OR2G2: variants seen among roughly 807,000 people sequenced by gnomAD.
OR2G2 encodes olfactory receptor family 2 subfamily G member 2.
For synonymous variants in OR2G2, 176 were observed against 152.4 expected (o/e 1.16, Z -1.14); for missense variants, 460 against 389.7 (o/e 1.18, Z -1.52).
chr1:247,588,626 G>T lies in OR2G2; in HGVS notation c.267G>T (p.Trp89Cys), dbSNP rs1279607861. The T allele has an allele frequency of 1.9e-6, 3 of 1,614,106 alleles. No homozygotes were observed. The highest frequency in any genetic ancestry group is 4.5e-5 in the East Asian group (2 of 44,868). The change falls in exon 1 of 1, where the codon TGG becomes TGT. Residue 89 changes from tryptophan to cysteine, a missense_variant. Coordinates refer to ENST00000320065, the MANE Select transcript of OR2G2 (RefSeq NM_001001915.1). ...SVIPQLLVNL[W>C]EPMKTIAYGG... Reference sequence around the variant, plus strand: ...TTCCCCAGCTCCTGGTAAACCTGTGGGAACCCATGAAAACTATCGCCTATG... The same window carrying T: ...TTCCCCAGCTCCTGGTAAACCTGTGTGAACCCATGAAAACTATCGCCTATG...
Position 247,589,238 on chromosome 1 carries a change from T to C in OR2G2, c.879T>C (p.Tyr293=), listed in dbSNP as rs200950288. Residue 293 remains tyrosine (Y), a synonymous_variant, in exon 1 of 1, where the codon TAT becomes TAC. Coordinates refer to ENST00000320065, the MANE Select transcript of OR2G2 (RefSeq NM_001001915.1). ...CCCGCATGCTTAACCCTCTTATTTA[T>C]ACCTTGAGGATCAAGGAGGTGAAAG... ...VVTRMLNPLI[Y]TLRIKEVKGA... 1 of 1,613,876 alleles carries C rather than the reference T, an allele frequency of 6.2e-7. No individual in the cohort carries two copies. Among genetic ancestry groups the C allele is most frequent in the African/African-American group, 1.3e-5 (1 of 75,018 alleles).
rs1669091374 is a variant in OR2G2, at chr1:247,589,225, A to T, written c.866A>T (p.Asn289Ile). The T allele has an allele frequency of 2.5e-6, 4 of 1,613,888 alleles. No individual in the cohort carries two copies. The South Asian group carries it at 4.4e-5, about 18-fold the overall frequency. Residue 289 changes from asparagine to isoleucine, a missense_variant, in exon 1 of 1, where the codon AAC becomes ATC. Asn to Ile is a moderately radical substitution (Grantham distance 149). Coordinates refer to ENST00000320065, the MANE Select transcript of OR2G2 (RefSeq NM_001001915.1). ...LFYTVVTRML[N>I]PLIYTLRIKE... ...TACACTGTGGTAACCCGCATGCTTA[A>T]CCCTCTTATTTATACCTTGAGGATC...
At position 247,589,297 on chromosome 1, in the gene OR2G2, G is replaced by A; in HGVS notation, c.938G>A (p.Gly313Glu). The change falls in exon 1 of 1, where the codon GGA (glycine) becomes GAA (glutamate). Residue 313 changes from glycine (G) to glutamate (E), a missense_variant. Coordinates refer to ENST00000320065, the MANE Select transcript of OR2G2 (RefSeq NM_001001915.1). ...ALKKVLAKAL[G>E]VNIL Reference sequence around the variant, plus strand: ...AAGAAAGTTCTAGCAAAGGCTCTGGGAGTAAATATTTTATGATTATTAAAA... The same window carrying A: ...AAGAAAGTTCTAGCAAAGGCTCTGGAAGTAAATATTTTATGATTATTAAAA... The A allele has an allele frequency of 1.3e-6, 2 of 1,537,978 alleles. No homozygotes were observed. Among genetic ancestry groups the A allele is most frequent in the Non-Finnish European group, 1.7e-6 (2 of 1,143,476 alleles).
Position 247,589,120 on chromosome 1 carries a change from T to A in OR2G2, c.761T>A (p.Phe254Tyr), listed in dbSNP as rs371732298. ...TCCCACCTGACAGTGGTCACCATCTTTTATGGAACCATCATCTTCATGTAT... is the reference window on the plus strand; with the variant it reads ...TCCCACCTGACAGTGGTCACCATCTATTATGGAACCATCATCTTCATGTAT... The part of the protein sequence containing the change: ...CFSHLTVVTI[F>Y]YGTIIFMYLQ... Residue 254 changes from phenylalanine to tyrosine, a missense_variant, in exon 1 of 1, where the codon TTT (phenylalanine) becomes TAT (tyrosine). Phe to Tyr is a conservative substitution (Grantham distance 22). Coordinates refer to ENST00000320065, the MANE Select transcript of OR2G2 (RefSeq NM_001001915.1). The A allele has an allele frequency of 6.2e-7, 1 of 1,614,218 alleles. No homozygotes were observed. Among genetic ancestry groups the A allele is most frequent in the African/African-American group, 1.3e-5 (1 of 75,072 alleles).
At position 247,589,235 on chromosome 1, in the gene OR2G2, T is replaced by C; in HGVS notation, c.876T>C (p.Ile292=). The C allele has an allele frequency of 6.2e-7, 1 of 1,614,022 alleles. No individual in the cohort carries two copies. Among genetic ancestry groups the C allele is most frequent in the Non-Finnish European group, 8.5e-7 (1 of 1,179,942 alleles). ...TVVTRMLNPL[I]YTLRIKEVKG... ...TAACCCGCATGCTTAACCCTCTTATTTATACCTTGAGGATCAAGGAGGTGA... is the reference window on the plus strand; with the variant it reads ...TAACCCGCATGCTTAACCCTCTTATCTATACCTTGAGGATCAAGGAGGTGA... Residue 292 remains isoleucine (I), a synonymous_variant, in exon 1 of 1, where the codon ATT becomes ATC. Coordinates refer to ENST00000320065, the MANE Select transcript of OR2G2 (RefSeq NM_001001915.1).
At position 247,588,751 on chromosome 1, in the gene OR2G2, G is replaced by A. The variant is rs1669078665; in HGVS notation, c.392G>A (p.Arg131His). Residue 131 changes from arginine to histidine, a missense_variant, in exon 1 of 1, where the codon CGT (arginine) becomes CAT (histidine). Physicochemically the swap from Arg to His is conservative, Grantham distance 29 (BLOSUM62 0). Transcript: ENST00000320065. ...TGTGACCGCTATGTGGCTGTCTGCC[G>A]TCCTCTCCATTACACTGTCTTAATG... is the stretch of plus-strand genomic sequence containing the variant. ...MSCDRYVAVCRPLHYTVLMHI... is the reference protein window; with the variant it reads ...MSCDRYVAVCHPLHYTVLMHI... 3.1e-6 allele frequency: 5 copies of A among 1,614,098 alleles called. No individual in the cohort carries two copies. Among genetic ancestry groups the A allele is most frequent in the African/African-American group, 1.3e-5 (1 of 75,006 alleles).
chr1:247,589,082 C>T lies in OR2G2; in HGVS notation c.723C>T (p.Phe241=), dbSNP rs765219287. The change falls in exon 1 of 1, where the codon TTC becomes TTT. Residue 241 remains phenylalanine, a synonymous_variant. Transcript: ENST00000320065. The part of the protein sequence containing the change: ...IKSATRRQKA[F]GTCFSHLTVV... ...CAGCTACCAGGAGACAGAAAGCATT[C>T]GGGACCTGCTTCTCCCACCTGACAG... is the stretch of plus-strand genomic sequence containing the variant. 13 of 1,614,120 alleles carry T rather than the reference C, an allele frequency of 8.1e-6. No individual in the cohort carries two copies. Among genetic ancestry groups the T allele is most frequent in the South Asian group, 1.1e-5 (1 of 91,084 alleles).
chr1:247,588,957 G>C lies in OR2G2; in HGVS notation c.598G>C (p.Ala200Pro). ...LACVGTTFNEAELFVASILFL... is the reference protein window; with the variant it reads ...LACVGTTFNEPELFVASILFL... Reference sequence around the variant, plus strand: ...TTGTGTGGGCACCACGTTTAACGAGGCTGAGCTTTTTGTGGCTAGTATCCT... The same window carrying C: ...TTGTGTGGGCACCACGTTTAACGAGCCTGAGCTTTTTGTGGCTAGTATCCT... Residue 200 changes from alanine to proline, a missense_variant, in exon 1 of 1, where the codon GCT becomes CCT. Coordinates refer to ENST00000320065, the MANE Select transcript of OR2G2 (RefSeq NM_001001915.1). 3.7e-6 allele frequency: 6 copies of C among 1,614,208 alleles called. No homozygotes were observed. The highest frequency in any genetic ancestry group is 5.1e-6 in the Non-Finnish European group (6 of 1,180,034).
Position 247,589,046 on chromosome 1 carries a change from G to A in OR2G2, c.687G>A (p.Leu229=), listed in dbSNP as rs748490575. Residue 229 remains leucine (L), a synonymous_variant, in exon 1 of 1, where the codon TTG becomes TTA. Transcript: ENST00000320065. ...CTGGCTACATTGCCCACGCAGTGTT[G>A]AGGATTAAGTCAGCTACCAGGAGAC... is the stretch of plus-strand genomic sequence containing the variant. The part of the protein sequence containing the change: ...VSSGYIAHAV[L]RIKSATRRQK... The A allele has an allele frequency of 1.9e-5, 30 of 1,614,078 alleles. No individual in the cohort carries two copies. The East Asian group carries it at 6.5e-4, about 35-fold the overall frequency.
Position 247,589,297 on chromosome 1 carries a change from G to T in OR2G2, c.938G>T (p.Gly313Val). 1 of 1,537,976 alleles carries T rather than the reference G, an allele frequency of 6.5e-7. No individual in the cohort carries two copies. The highest frequency in any genetic ancestry group is 8.7e-7 in the Non-Finnish European group (1 of 1,143,476). The change falls in exon 1 of 1, where the codon GGA (glycine) becomes GTA (valine). Residue 313 changes from glycine (G) to valine (V), a missense_variant. Gly to Val is a moderately radical substitution (Grantham distance 109). Transcript: ENST00000320065. ...ALKKVLAKAL[G>V]VNIL ...AAGAAAGTTCTAGCAAAGGCTCTGG[G>T]AGTAAATATTTTATGATTATTAAAA... is the stretch of plus-strand genomic sequence containing the variant.
At position 247,588,840 on chromosome 1, in the gene OR2G2, G is replaced by C. The variant is rs750616091; in HGVS notation, c.481G>C (p.Val161Leu). The C allele has an allele frequency of 6.2e-7, 1 of 1,614,158 alleles. No individual in the cohort carries two copies. The highest frequency in any genetic ancestry group is 8.5e-7 in the Non-Finnish European group (1 of 1,180,032). ...GCTCAGTGGAATAGCCACCACCCTG[G>C]TACAGTCCACCCTCACCCTGCAGCT... is the stretch of plus-strand genomic sequence containing the variant. Reference protein sequence around the residue: ...AWLSGIATTLVQSTLTLQLPF... With the variant: ...AWLSGIATTLLQSTLTLQLPF... The change falls in exon 1 of 1, where the codon GTA becomes CTA. Residue 161 changes from valine to leucine, a missense_variant. Val to Leu is a conservative substitution (Grantham distance 32, BLOSUM62 1). Transcript: ENST00000320065.
At position 247,588,503 on chromosome 1, in the gene OR2G2, C is replaced by G; in HGVS notation, c.144C>G (p.Ile48Met). The change falls in exon 1 of 1, where the codon ATC (isoleucine) becomes ATG (methionine). Residue 48 changes from isoleucine to methionine, a missense_variant. By Grantham distance (10) the Ile-to-Met change is conservative. Transcript: ENST00000320065. Reference sequence around the variant, plus strand: ...TAACTATTTTGGGGAATACCACCATCATTCTGGTTTCTCGTCTGGAACCCA... The same window carrying G: ...TAACTATTTTGGGGAATACCACCATGATTCTGGTTTCTCGTCTGGAACCCA... ...YLLTILGNTT[I>M]ILVSRLEPKL... 1 of 1,614,160 alleles carries G rather than the reference C, an allele frequency of 6.2e-7. No homozygotes were observed. Among genetic ancestry groups the G allele is most frequent in the South Asian group, 1.1e-5 (1 of 91,078 alleles).
rs1426644152 is a variant in OR2G2 at position 247,588,856 on chromosome 1, C to A, written c.497C>A (p.Thr166Asn). 2 of 1,614,204 alleles carry A rather than the reference C, an allele frequency of 1.2e-6. No individual in the cohort carries two copies. Among genetic ancestry groups the A allele is most frequent in the Non-Finnish European group, 8.5e-7 (1 of 1,180,034 alleles). Reference protein sequence around the residue: ...IATTLVQSTLTLQLPFCGHRQ... With the variant: ...IATTLVQSTLNLQLPFCGHRQ... The stretch of plus-strand genomic sequence containing the variant: ...ACCACCCTGGTACAGTCCACCCTCA[C>A]CCTGCAGCTGCCCTTCTGTGGGCAT... Residue 166 changes from threonine (T) to asparagine (N), a missense_variant, in exon 1 of 1, where the codon ACC (threonine) becomes AAC (asparagine). Thr to Asn is a moderately conservative substitution (Grantham distance 65). Transcript: ENST00000320065.
In OR2G2 at chr1:247,588,397, C is replaced by T. The variant is rs775382596; in HGVS notation, c.38C>T (p.Ala13Val). 1.2e-6 allele frequency: 2 copies of T among 1,612,594 alleles called. No homozygotes were observed. Among genetic ancestry groups the T allele is most frequent in the Non-Finnish European group, 1.7e-6 (2 of 1,179,244 alleles). Residue 13 changes from alanine to valine, a missense_variant, in exon 1 of 1, where the codon GCA (alanine) becomes GTA (valine). Physicochemically the swap from Ala to Val is moderately conservative, Grantham distance 64. Coordinates refer to ENST00000320065, the MANE Select transcript of OR2G2 (RefSeq NM_001001915.1). Reference protein sequence around the residue: ...MVRHTNESNLAGFILLGFSDY... With the variant: ...MVRHTNESNLVGFILLGFSDY... ...AGACATACCAATGAGAGCAACCTAG[C>T]AGGTTTCATCCTTTTAGGGTTTTCT...
In OR2G2 at chr1:247,589,141, T is replaced by A. The variant is rs1280154612; in HGVS notation, c.782T>A (p.Met261Lys). ...ATCTTTTATGGAACCATCATCTTCATGTATCTGCAGCCAGCCAAGAGTAGA... is the reference window on the plus strand; with the variant it reads ...ATCTTTTATGGAACCATCATCTTCAAGTATCTGCAGCCAGCCAAGAGTAGA... The part of the protein sequence containing the change: ...VTIFYGTIIF[M>K]YLQPAKSRSR... Residue 261 changes from methionine (M) to lysine (K), a missense_variant, in exon 1 of 1, where the codon ATG becomes AAG. Transcript: ENST00000320065. 3 of 1,614,204 alleles carry A rather than the reference T, an allele frequency of 1.9e-6. No homozygotes were observed. The highest frequency in any genetic ancestry group is 2.5e-6 in the Non-Finnish European group (3 of 1,180,034).
rs752329312 is a variant in OR2G2 at position 247,589,193 on chromosome 1, T to C, written c.834T>C (p.Ser278=). ...CCAGGGACCAGGGCAAGTTTGTTTCTCTCTTCTACACTGTGGTAACCCGCA... is the reference window on the plus strand; with the variant it reads ...CCAGGGACCAGGGCAAGTTTGTTTCCCTCTTCTACACTGTGGTAACCCGCA... ...SRSRDQGKFV[S]LFYTVVTRML... The change falls in exon 1 of 1, where the codon TCT becomes TCC. Residue 278 remains serine (S), a synonymous_variant. Transcript: ENST00000320065. 2.5e-6 allele frequency: 4 copies of C among 1,614,134 alleles called. No individual in the cohort carries two copies. The East Asian group carries it at 8.9e-5, about 36-fold the overall frequency.
chr1:247,588,968 T>C lies in OR2G2; in HGVS notation c.609T>C (p.Phe203=), dbSNP rs777200356. Residue 203 remains phenylalanine, a synonymous_variant, in exon 1 of 1, where the codon TTT becomes TTC. Coordinates refer to ENST00000320065, the MANE Select transcript of OR2G2 (RefSeq NM_001001915.1). ...VGTTFNEAEL[F]VASILFLIVP... is the part of the protein sequence containing the mutation. ...CCACGTTTAACGAGGCTGAGCTTTT[T>C]GTGGCTAGTATCCTTTTCCTTATAG... 11 of 1,614,262 alleles carry C rather than the reference T, an allele frequency of 6.8e-6. No individual in the cohort carries two copies. In the East Asian group the frequency reaches 2.5e-4, roughly 36 times the overall value.
chr1:247,589,310 A>T lies in OR2G2; in HGVS notation c.951A>T (p.Leu317Phe). ...VLAKALGVNI[L>F] ...CAAAGGCTCTGGGAGTAAATATTTT[A>T]TGATTATTAAAAAAAAATTTAAGTG... is the stretch of plus-strand genomic sequence containing the variant. Residue 317 changes from leucine to phenylalanine, a missense_variant, in exon 1 of 1, where the codon TTA becomes TTT. Leu to Phe is a conservative substitution (Grantham distance 22). Transcript: ENST00000320065. The T allele has an allele frequency of 6.7e-7, 1 of 1,499,090 alleles. No homozygotes were observed. Among genetic ancestry groups the T allele is most frequent in the Non-Finnish European group, 8.9e-7 (1 of 1,119,104 alleles). The allele number at this position is 1,499,090 out of a possible 1,614,324, so 92.9% of individuals were successfully genotyped here. A position where few individuals can be genotyped will look rare whatever the true frequency, so the allele number is the denominator to read the frequency against.
chr1:247,588,374 A>G lies in OR2G2; in HGVS notation c.15A>G (p.Arg5=). 6.2e-7 allele frequency: 1 copy of G among 1,604,226 alleles called. No homozygotes were observed. Among genetic ancestry groups the G allele is most frequent in the Non-Finnish European group, 8.5e-7 (1 of 1,174,668 alleles). The part of the protein sequence containing the change: MGMV[R]HTNESNLAGF... Reference sequence around the variant, plus strand: ...ACACTTTACATATGGGGATGGTGAGACATACCAATGAGAGCAACCTAGCAG... The same window carrying G: ...ACACTTTACATATGGGGATGGTGAGGCATACCAATGAGAGCAACCTAGCAG... Residue 5 remains arginine, a synonymous_variant, in exon 1 of 1, where the codon AGA becomes AGG. Coordinates refer to ENST00000320065, the MANE Select transcript of OR2G2 (RefSeq NM_001001915.1).
Sources: allele counts gnomAD v4.1 joint callset, GRCh38; gene constraint gnomAD v4.1.1; transcripts MANE v1.5; gene names NCBI Gene and HGNC (gene_info 2026-07-23, HGNC 2026-07-21).